Variants in CTDP1 observed in about 807,000 individuals in gnomAD.
CTDP1 encodes the protein RNA polymerase II subunit A C-terminal domain phosphatase.
Under a neutral mutation model 91.8 loss-of-function variants are expected in CTDP1, and 47 were observed. That is an observed-to-expected ratio of 0.51 (90% CI 0.41 to 0.65). The LOEUF (loss-of-function observed/expected upper bound fraction) is 0.65, where lower values mean the gene tolerates loss of function less well. Ranked by LOEUF, CTDP1 falls within the 30% of genes least tolerant of loss-of-function variation. The probability of loss-of-function intolerance (pLI) is 0.00; values close to 1 mark genes in which losing one functional copy is unlikely to be tolerated. For synonymous variants in CTDP1, 656 were observed against 598.5 expected, an observed-to-expected ratio of 1.10 and a Z score of -1.40; for missense variants, 1,272 against 1,373.7, an observed-to-expected ratio of 0.93 and a Z score of 1.17.
intron 4 of CTDP1, among the ~76,000 whole-genome samples, chr18:79,702,514 C>T (rs1184917039): frequency 6.6e-6 from 1 of 152,146 alleles, no homozygotes; most frequent in Non-Finnish European, 1.5e-5. Flanking sequence ...GCTGGGACTA[C>T]AGGCGTGTAC....
Position 79,693,489 on chromosome 18 carries a change from G to A in CTDP1, c.315-1736G>A, listed in dbSNP as rs556026918. 2.0e-4 allele frequency among the ~76,000 whole-genome samples: 31 copies of A among 152,242 alleles called. No individual in the cohort carries two copies. The South Asian group carries it at 6.0e-3, about 30-fold the overall frequency. ...TGAGTCTCCCATATCCAAACTGCTT[G>A]GAAACAGAAGTGTTTTGGATTTCTG... On this transcript the variant is annotated intron_variant, in intron 1 of 12. Transcript: ENST00000613122.
Position 79,719,574 on chromosome 18 carries a change from T to C in CTDP1, c.2417+1558T>C, listed in dbSNP as rs538364639. Among the ~76,000 whole-genome samples the C allele has an allele frequency of 4.9e-3, 728 of 148,556 alleles. 4 individuals carry two copies. Among genetic ancestry groups the C allele is most frequent in the African/African-American group, 0.017 (676 of 40,076 alleles). ...ATGTCACCTCCAGTTGTTAGGAAGG[T>C]GTCCTGGTGATGTCACTTCCCATTA... On this transcript the variant is annotated intron_variant, in intron 10 of 12. Transcript: ENST00000613122.
In CTDP1 at chr18:79,712,431, A is replaced by G. The variant is rs139252735; in HGVS notation, c.864-541A>G. 1.6e-4 allele frequency among the ~76,000 whole-genome samples: 25 copies of G among 152,030 alleles called. 1 individual carries two copies. The East Asian group carries it at 4.9e-3, about 30-fold the overall frequency. ...TGAGTAGCCGGGACTACGGGCGCAC[A>G]CCCCCACACCTGTCTAACTTTTGTA... is the stretch of plus-strand genomic sequence containing the variant. On this transcript the variant is annotated intron_variant, in intron 6 of 12. Transcript: ENST00000613122.
chr18:79,695,229 G>A lies in CTDP1; in HGVS notation c.319G>A (p.Val107Ile). The change falls in exon 2 of 13, where the codon GTT (valine) becomes ATT (isoleucine). Residue 107 changes from valine to isoleucine, a missense_variant. By Grantham distance (29) the Val-to-Ile change is conservative. Transcript: ENST00000613122. Reference protein sequence around the residue: ...QPGQVVAPGAVLVRLEGCSHP... With the variant: ...QPGQVVAPGAILVRLEGCSHP... ...TCCCCTTGTGTTTTTTTGTAGAGCG[G>A]TTCTGGTGAGGTTGGAAGGATGCAG... is the stretch of plus-strand genomic sequence containing the variant. 6.2e-7 allele frequency: 1 copy of A among 1,614,112 alleles called. No individual in the cohort carries two copies. Among genetic ancestry groups the A allele is most frequent in the Non-Finnish European group, 8.5e-7 (1 of 1,179,992 alleles).
At chr18:79,677,130 A>T (rs969415280), upstream of CTDP1, among the ~76,000 whole-genome samples, 2 of 152,226 alleles carry the variant, frequency 1.3e-5, no homozygotes, top group African/African-American at 4.8e-5. Context: ...AACAGGTTCA[A>T]ATAGGGAATG....
At chr18:79,696,194 C>G (rs1029758633) in intron 3 of CTDP1, 124 bp downstream of exon 3, 1 of 816,456 alleles carries the variant, frequency 1.2e-6, no homozygotes, top group Non-Finnish European at 2.0e-6. Context: ...GAAACAACCC[C>G]TCATCACACG....
chr18:79,684,596 G>A (rs965061680), intron 1 of CTDP1, among the ~76,000 whole-genome samples: 5 of 145,314 alleles, frequency 3.4e-5, no homozygotes, highest in Non-Finnish European at 3.0e-5. Flanking sequence ...AGGTGGGTCC[G>A]TGCCCTCGTT....
intron 11 of CTDP1, among the ~76,000 whole-genome samples, chr18:79,733,838 G>GA (rs1204510379): frequency 1.8e-4 from 28 of 152,158 alleles, no homozygotes; most frequent in Non-Finnish European, 3.7e-4. Context: ...TCATTTCCGT[G>GA]CATTGACAGG....
Position 79,745,291 on chromosome 18 carries a change from G to A in CTDP1, c.2748-8361G>A, listed in dbSNP as rs867891571. Among the ~76,000 whole-genome samples the A allele has an allele frequency of 1.1e-3, 139 of 130,064 alleles. 1 individual carries two copies. Among genetic ancestry groups the A allele is most frequent in the African/African-American group, 4.0e-3 (132 of 32,988 alleles). The allele number at this position is 130,064 out of a possible 152,430, so 85.3% of individuals were successfully genotyped here. A position where few individuals can be genotyped will look rare whatever the true frequency, so the allele number is the denominator to read the frequency against. On this transcript the variant is annotated intron_variant, in intron 12 of 12. Transcript: ENST00000613122. Reference sequence around the variant, plus strand: ...TCCCTCCCGTGCGCGTTCTGTCCCTGCGTCCCTCCCGTGCGCGTTCTGTCC... The same window carrying A: ...TCCCTCCCGTGCGCGTTCTGTCCCTACGTCCCTCCCGTGCGCGTTCTGTCC...
chr18:79,756,621 T>G (rs756957594), downstream of CTDP1: 1 of 152,254 alleles, frequency 6.6e-6, no homozygotes, highest in Non-Finnish European at 1.5e-5. Context: ...AAGAAGAAAC[T>G]TGAACTTGCT....
intron 12 of CTDP1, among the ~76,000 whole-genome samples, chr18:79,750,988 T>G (rs1476008713): frequency 6.6e-5 from 3 of 45,470 alleles, no homozygotes; most frequent in African/African-American, 7.1e-5. Context: ...AGGGAGGGGC[T>G]GGGCACAGAG....
At chr18:79,725,167 G>A (rs673590) in intron 10 of CTDP1, among the ~76,000 whole-genome samples, 110,573 of 152,144 alleles carry the variant, frequency 0.73, 40,937 homozygotes, top group Middle Eastern at 0.79. Flanking sequence ...TGGTTGTGGT[G>A]TATAGTAACC....
Position 79,734,207 on chromosome 18 carries a change from C to T in CTDP1, c.2581-2148C>T, listed in dbSNP as rs541902188. 1.1e-3 allele frequency among the ~76,000 whole-genome samples: 163 copies of T among 152,314 alleles called. 1 individual carries two copies. Among genetic ancestry groups the T allele is most frequent in the Admixed American group, 5.2e-3 (80 of 15,302 alleles). On this transcript the variant is annotated intron_variant, in intron 11 of 12. Coordinates refer to ENST00000613122, the MANE Select transcript of CTDP1 (RefSeq NM_004715.5). ...GTCTGAGCGTGGAAGGCGGCTGGGC[C>T]GGGTGTGCTGACACGTTTTCAGCCT...
Position 79,715,478 on chromosome 18 carries a change from T to G in CTDP1, c.2018T>G (p.Leu673Arg), listed in dbSNP as rs932192170. The G allele has an allele frequency of 6.3e-7, 1 of 1,580,710 alleles. No individual in the cohort carries two copies. The highest frequency in any genetic ancestry group is 8.6e-7 in the Non-Finnish European group (1 of 1,164,802). The change falls in exon 8 of 13, where the codon CTG (leucine) becomes CGG (arginine). Residue 673 changes from leucine (L) to arginine (R), a missense_variant. By Grantham distance (102) the Leu-to-Arg change is moderately radical (BLOSUM62 -2). This residue lies in a region of CTDP1 where 881 missense variants were observed against 911.6 expected (regional missense o/e 0.97). Transcript: ENST00000613122. The stretch of plus-strand genomic sequence containing the variant: ...GCGAAGATCCTCACTCGGCTGGTGC[T>G]GAGCCCCGACGCCCCTGACAGGGCC... The part of the protein sequence containing the change: ...LGAKILTRLV[L>R]SPDAPDRATH...
At position 79,715,506 on chromosome 18, in the gene CTDP1, G is replaced by A. The variant is rs756882272; in HGVS notation, c.2046G>A (p.Thr682=). 1.7e-5 allele frequency: 26 copies of A among 1,562,916 alleles called. No individual in the cohort carries two copies. Among genetic ancestry groups the A allele is most frequent in the East Asian group, 4.7e-5 (2 of 42,290 alleles). Residue 682 remains threonine, a synonymous_variant, in exon 8 of 13, where the codon ACG becomes ACA. Coordinates refer to ENST00000613122, the MANE Select transcript of CTDP1 (RefSeq NM_004715.5). ...GCCCCGACGCCCCTGACAGGGCCAC[G>A]CACCTGATCGCCGCGCGAGCTGGTG... ...VLSPDAPDRA[T]HLIAARAGTE...
At chr18:79,707,901 C>A (rs2086000604) in intron 5 of CTDP1, among the ~76,000 whole-genome samples, 1 of 152,174 alleles carries the variant, frequency 6.6e-6, no homozygotes, top group Non-Finnish European at 1.5e-5. Context: ...TTCAGTATGA[C>A]TAGGACAGAG....
chr18:79,710,686 A>ATTTTTTTTTTTTTTTTTT (rs11306504), intron 6 of CTDP1, among the ~76,000 whole-genome samples: 1 of 88,502 alleles, frequency 1.1e-5, no homozygotes, highest in Non-Finnish European at 2.0e-5. Flanking sequence ...TCGCCCGGCA[A>ATTTTTTTTTTTTTTTTTT]TTTTTTTTTT....
chr18:79,686,424 A>T (rs914597917), intron 1 of CTDP1, among the ~76,000 whole-genome samples: 2 of 152,262 alleles, frequency 1.3e-5, no homozygotes, highest in African/African-American at 4.8e-5. Flanking sequence ...AAGAGAATGT[A>T]GAGAGAATGG....
intron 1 of CTDP1, among the ~76,000 whole-genome samples, chr18:79,692,326 T>G (rs986171243): frequency 6.6e-6 from 1 of 152,124 alleles, no homozygotes; most frequent in Non-Finnish European, 1.5e-5. Context: ...CGTCTGTCGG[T>G]CATACCTTTG....
Sources: allele counts gnomAD v4.1 joint callset (sites outside exome capture counted in the v4.1 genomes callset), GRCh38; gene constraint gnomAD v4.1.1; regional missense constraint gnomAD v4.1.1; transcripts MANE v1.5; gene names NCBI Gene and HGNC (gene_info 2026-07-23, HGNC 2026-07-21).